LRRC74B: variants seen among roughly 807,000 people sequenced by gnomAD.
LRRC74B encodes the protein leucine-rich repeat-containing protein 74B.
A neutral mutation model predicts 16.6 loss-of-function variants in LRRC74B; 30 were observed. The observed-to-expected ratio is 1.80, with a 90% CI of 1.35 to 2.45. LRRC74B has a LOEUF of 2.45. Among genes scored for constraint, LRRC74B ranks in the 30% most tolerant of loss-of-function variants. The probability of loss-of-function intolerance (pLI) is 0.00; values close to 1 mark genes in which losing one functional copy is unlikely to be tolerated. For missense variants in LRRC74B, 326 were observed against 202.4 expected, an observed-to-expected ratio of 1.61 and a Z score of -3.71; for synonymous variants, 134 against 86.0, an observed-to-expected ratio of 1.56 and a Z score of -3.09.
At chr22:21,047,363 T>C (rs1391333860) in exon 2 of LRRC74B, 3 of 717,088 alleles carry the variant, frequency 4.2e-6, no homozygotes, top group Non-Finnish European at 7.8e-6. Flanking sequence ...CAGGCACCGA[T>C]GGGCTTGGAG....
chr22:21,050,468 T>TG (rs1929922721), intron 4 of LRRC74B, among the ~76,000 whole-genome samples: 1 of 151,984 alleles, frequency 6.6e-6, no homozygotes, highest in Non-Finnish European at 1.5e-5. Context: ...AGAAAATTAT[T>TG]GCAAGAAGTC....
chr22:21,052,514 C>T (rs1046435145), intron 5 of LRRC74B, among the ~76,000 whole-genome samples, 156 bp downstream of exon 5: 1 of 152,220 alleles, frequency 6.6e-6, no homozygotes, highest in African/African-American at 2.4e-5. Context: ...ATTTTCCTGG[C>T]TTCACTTAGT....
chr22:21,047,686 C>A (rs1929580094), intron 2 of LRRC74B, among the ~76,000 whole-genome samples, 188 bp downstream of exon 2: 1 of 152,078 alleles, frequency 6.6e-6, no homozygotes, highest in South Asian at 2.1e-4. Flanking sequence ...GGTTGTGGAT[C>A]CTGCAGGCTC....
At chr22:21,047,603 C>T in intron 2 of LRRC74B, 105 bp downstream of exon 2, 1 of 649,368 alleles carries the variant, frequency 1.5e-6, no homozygotes, top group South Asian at 1.8e-5. Context: ...CCAGCTTCTG[C>T]CTGTGTCAGT....
chr22:21,047,184 G>A (rs567636268), intron 1 of LRRC74B, among the ~76,000 whole-genome samples, 172 bp from the exon 2 acceptor site: 36 of 152,200 alleles, frequency 2.4e-4, no homozygotes, highest in African/African-American at 6.5e-4. Context: ...AAAGATTTGC[G>A]TTGCCTGAGG....
At chr22:21,054,745 G>A (rs1254272877) in intron 6 of LRRC74B, among the ~76,000 whole-genome samples, 1 of 152,246 alleles carries the variant, frequency 6.6e-6, no homozygotes, top group Non-Finnish European at 1.5e-5. Context: ...GAGGAGGAGA[G>A]GCCTTGAACA....
At chr22:21,054,308 G>T (rs6005409) in intron 6 of LRRC74B, among the ~76,000 whole-genome samples, 12 of 152,368 alleles carry the variant, frequency 7.9e-5, no homozygotes, top group African/African-American at 2.4e-4. Flanking sequence ...CCTAGTCTGG[G>T]TGGGGCAAGG....
chr22:21,051,835 G>A (rs986037561), intron 4 of LRRC74B, among the ~76,000 whole-genome samples: 19 of 152,090 alleles, frequency 1.2e-4, no homozygotes, highest in African/African-American at 4.6e-4. Context: ...GCCATTTGCA[G>A]TTTCCTGTGT....
chr22:21,048,344 GT>G (rs1357563421), intron 3 of LRRC74B: 1 of 326,118 alleles, frequency 3.1e-6, no homozygotes, highest in African/African-American at 2.1e-5. Flanking sequence ...AGAGGTGGGA[GT>G]TGGGCATTGT....
At position 21,047,308 on chromosome 22, in the gene LRRC74B, T is replaced by C. The variant is rs942159896; in HGVS notation, c.140-48T>C. The C allele has an allele frequency of 4.7e-5, 33 of 701,752 alleles. No individual in the cohort carries two copies. In the African/African-American group the frequency reaches 5.4e-4, roughly 12 times the overall value. The allele number at this position is 701,752 out of a possible 1,614,324, so 43.5% of individuals were successfully genotyped here. On this transcript the variant is annotated intron_variant, in intron 1 of 8. Transcript: ENST00000442047. ...GACACAGGGCAGGGGAGGACACAGG[T>C]GGCTGTAGCTGTGCAGGGTCCACAT...
exon 5 of LRRC74B, chr22:21,052,264 C>T (rs1261408882): frequency 1.4e-6 from 1 of 717,384 alleles, no homozygotes; most frequent in Non-Finnish European, 2.6e-6. Flanking sequence ...ACACTTGGAC[C>T]AGCCCTGGCA....
chr22:21,062,527 A>G (rs1214467843), downstream of LRRC74B: 1 of 152,014 alleles, frequency 6.6e-6, no homozygotes. Context: ...ATCCTGGCTA[A>G]CATGGTGAAA....
At chr22:21,063,249 T>A (rs1180747572), downstream of LRRC74B, 1 of 152,116 alleles carries the variant, frequency 6.6e-6, no homozygotes, top group Admixed American at 6.5e-5. Flanking sequence ...GAGTCCCAAC[T>A]CGGCACTTTC....
rs1026752698 is a variant in LRRC74B, at chr22:21,053,344, C to G, written c.733-16C>G. The G allele has an allele frequency of 1.4e-6, 1 of 715,924 alleles. No homozygotes were observed. Among genetic ancestry groups the G allele is most frequent in the Non-Finnish European group, 2.6e-6 (1 of 384,308 alleles). 44.3% of individuals were successfully genotyped at this position (715,924 alleles called of 1,614,324 possible). ...TGTCAGATGGGGTCCCATGACTTCA[C>G]TCTTTGGTATTCTAGGCAAACATCT... On this transcript the variant is annotated splice_polypyrimidine_tract_variant and intron_variant, in intron 5 of 8. Transcript: ENST00000442047.
At chr22:21,048,874 G>A (rs1929716023) in intron 3 of LRRC74B, 77 bp from the exon 4 acceptor site, 1 of 686,180 alleles carries the variant, frequency 1.5e-6, no homozygotes, top group Non-Finnish European at 2.7e-6. Context: ...CTCAGACCTG[G>A]AGGTTTGGGG....
rs1210049959 is a variant in LRRC74B, at chr22:21,052,680, C to T, written c.732+322C>T. Among the ~76,000 whole-genome samples the T allele has an allele frequency of 5.3e-5, 8 of 152,160 alleles. No homozygotes were observed. In the East Asian group the frequency reaches 1.3e-3, roughly 26 times the overall value. On this transcript the variant is annotated intron_variant, in intron 5 of 8. Transcript: ENST00000442047. ...ACTGTTGGGCATACGCAGGTGGTTT[C>T]CTGAGATGACACCTTGCACCCTTGG...
At chr22:21,048,290 A>C in intron 3 of LRRC74B, 1 of 441,236 alleles carries the variant, frequency 2.3e-6, no homozygotes, top group South Asian at 2.3e-5. Flanking sequence ...CACATGGGAG[A>C]CTCCCAGTAC....
intron 8 of LRRC74B, among the ~76,000 whole-genome samples, chr22:21,058,391 G>A (rs551153055): frequency 4.6e-5 from 7 of 152,076 alleles, no homozygotes; most frequent in East Asian, 1.9e-4. Context: ...GCACATACCC[G>A]TAGTTTCGGG....
At chr22:21,046,613 T>C (rs2148129754) in intron 1 of LRRC74B, among the ~76,000 whole-genome samples, 1 of 151,962 alleles carries the variant, frequency 6.6e-6, no homozygotes, top group Admixed American at 6.6e-5. Context: ...CTCATATTTA[T>C]TAATAAATAA....
Sources: gnomAD v4.1 joint callset for allele counts (sites outside exome capture counted in the v4.1 genomes callset) on GRCh38, gnomAD v4.1.1 for gene constraint, MANE v1.5 for transcripts, NCBI Gene and HGNC (gene_info 2026-07-23, HGNC 2026-07-21) for gene names.